The following ATG2B variants were observed in gnomAD, a reference collection of about 807,000 sequenced individuals.
ATG2B encodes the protein autophagy related 2B.
In ATG2B, 121 loss-of-function variants were observed where a neutral mutation model predicts 241.3. The ratio of observed to expected loss-of-function variants is 0.50; its 90% CI spans 0.43 to 0.58. The LOEUF is 0.58. Among genes scored for constraint, ATG2B ranks in the 20% least tolerant of loss-of-function variants. The pLI, the probability that ATG2B is intolerant of heterozygous loss-of-function variation, is 0.00. For synonymous variants in ATG2B, 858 were observed against 876.6 expected (o/e 0.98, Z 0.37); for missense variants, 2,306 against 2,491.6 (o/e 0.93, Z 1.59).
At chr14:96,358,196 G>T (rs988313867) in intron 1 of ATG2B, among the ~76,000 whole-genome samples, 3 of 152,176 alleles carry the variant, frequency 2.0e-5, no homozygotes, top group Non-Finnish European at 4.4e-5. Flanking sequence ...GAAACTGGGG[G>T]GGGCTGAGGT....
intron 1 of ATG2B, among the ~76,000 whole-genome samples, chr14:96,355,170 T>G (rs149690375): frequency 1.7e-3 from 264 of 152,346 alleles, no homozygotes; most frequent in Non-Finnish European, 2.6e-3. Flanking sequence ...TTTGCTTTTG[T>G]TGCAATTGCT....
chr14:96,342,537 C>T (rs1292592020), intron 5 of ATG2B, among the ~76,000 whole-genome samples: 24 of 152,044 alleles, frequency 1.6e-4, no homozygotes, highest in Non-Finnish European at 5.9e-5. Flanking sequence ...GCCTGGCCAA[C>T]GTTGCGAAAC....
intron 1 of ATG2B, among the ~76,000 whole-genome samples, chr14:96,356,534 G>A (rs1304632867): frequency 1.3e-5 from 2 of 151,864 alleles, no homozygotes; most frequent in Non-Finnish European, 2.9e-5. Context: ...CTTTTAAAAC[G>A]CAATGGAAAA....
At chr14:96,334,541 T>C in intron 6 of ATG2B, 40 bp from the exon 7 acceptor site, 1 of 1,194,804 alleles carries the variant, frequency 8.4e-7, no homozygotes, top group Non-Finnish European at 1.2e-6. Context: ...GGAGTATTCT[T>C]TATAACCTTA....
intron 8 of ATG2B, among the ~76,000 whole-genome samples, chr14:96,333,389 C>T (rs972046306): frequency 1.3e-5 from 2 of 152,076 alleles, no homozygotes; most frequent in Non-Finnish European, 2.9e-5. Context: ...TATATAACTA[C>T]CTAATTTAAC....
chr14:96,324,289 T>A (rs1887534134), intron 15 of ATG2B: 1 of 277,132 alleles, frequency 3.6e-6, no homozygotes, highest in Non-Finnish European at 6.7e-6. Context: ...CTATTAGTGA[T>A]TATTTCTTCA....
At chr14:96,309,427 C>A in intron 29 of ATG2B, 26 bp downstream of exon 29, 1 of 1,591,466 alleles carries the variant, frequency 6.3e-7, no homozygotes, top group Admixed American at 1.8e-5. Context: ...AACATCAGTG[C>A]TCCCTGAGAA....
chr14:96,303,127 T>C lies in ATG2B; in HGVS notation c.4971A>G (p.Ser1657=), dbSNP rs1008044001. The change falls in exon 33 of 42, where the codon TCA becomes TCG. Residue 1657 remains serine (S), a synonymous_variant. Transcript: ENST00000359933. The part of the protein sequence containing the change: ...DLEIRDRLAT[S]QMNKFLYLYC... ...ACAGGTATAAAAATTTATTCATTTG[T>C]GATGTTGCCAAACGATCTCGAATCT... 3.1e-6 allele frequency: 5 copies of C among 1,612,974 alleles called. No homozygotes were observed. The African/African-American group carries it at 5.3e-5, about 17-fold the overall frequency.
At chr14:96,342,671 G>T (rs1318062737) in intron 5 of ATG2B, among the ~76,000 whole-genome samples, 1 of 148,408 alleles carries the variant, frequency 6.7e-6, no homozygotes, top group Non-Finnish European at 1.5e-5. Flanking sequence ...GCAGTGAGTC[G>T]AGATTGCGCC....
intron 23 of ATG2B, 23 bp downstream of exon 23, chr14:96,315,131 T>C: frequency 1.3e-6 from 2 of 1,574,136 alleles, no homozygotes; most frequent in Non-Finnish European, 1.7e-6. Context: ...AATAAATTAA[T>C]ACATATATAA....
Position 96,341,548 on chromosome 14 carries a change from G to C in ATG2B, c.898C>G (p.Gln300Glu). The C allele has an allele frequency of 6.3e-7, 1 of 1,598,718 alleles. No homozygotes were observed. The highest frequency in any genetic ancestry group is 1.7e-4 in the Middle Eastern group (1 of 6,012). The change falls in exon 6 of 42, where the codon CAG becomes GAG. Residue 300 changes from glutamine (Q) to glutamate (E), a missense_variant. Physicochemically the swap from Gln to Glu is conservative, Grantham distance 29. This residue lies in a region of ATG2B where 1,927 missense variants were observed against 2,011.2 expected (regional missense o/e 0.96). Transcript: ENST00000359933. ...GRLELSLTLK[Q>E]NEVLPGAKLD... ...TTAGCTCCAGGAAGCACTTCATTCT[G>C]TTTCAACGTGAGACTCAACTCCAAC...
chr14:96,299,023 G>A (rs1886720077), intron 34 of ATG2B, among the ~76,000 whole-genome samples: 1 of 152,134 alleles, frequency 6.6e-6, no homozygotes, highest in African/African-American at 2.4e-5. Context: ...ATGACTTACA[G>A]TGTTAAAAGA....
At chr14:96,360,345 C>A (rs966488235) in intron 1 of ATG2B, among the ~76,000 whole-genome samples, 2 of 152,280 alleles carry the variant, frequency 1.3e-5, no homozygotes, top group East Asian at 3.9e-4. Context: ...AGTAAGAAAG[C>A]AACCACTTTT....
Position 96,303,056 on chromosome 14 carries a change from CT to C in ATG2B, c.5037+4del, listed in dbSNP as rs749517346. The C allele has an allele frequency of 1.3e-6, 2 of 1,564,606 alleles. No homozygotes were observed. The highest frequency in any genetic ancestry group is 1.7e-6 in the Non-Finnish European group (2 of 1,152,564). On this transcript the variant is annotated splice_donor_region_variant and intron_variant, in intron 33 of 41. Transcript: ENST00000359933. ...ACATAACACAACGATGAGGTTAACT[CT>C]TACCATGTTGGAGTGAGCTTTTCGA... is the stretch of plus-strand genomic sequence containing the variant.
At chr14:96,356,429 G>A (rs534741544) in intron 1 of ATG2B, among the ~76,000 whole-genome samples, 83 of 152,202 alleles carry the variant, frequency 5.5e-4, no homozygotes, top group South Asian at 1.2e-3. Flanking sequence ...ATTTTCACAT[G>A]GAAGATTTTG....
rs1242342048 is a variant in ATG2B at position 96,322,649 on chromosome 14, T to C, written c.2627A>G (p.Tyr876Cys). Residue 876 changes from tyrosine (Y) to cysteine (C), a missense_variant, in exon 17 of 42, where the codon TAC (tyrosine) becomes TGC (cysteine). Tyr to Cys is a radical substitution (Grantham distance 194). This residue lies in a region of ATG2B where 1,927 missense variants were observed against 2,011.2 expected (regional missense o/e 0.96). Coordinates refer to ENST00000359933, the MANE Select transcript of ATG2B (RefSeq NM_018036.7). The part of the protein sequence containing the change: ...AEEEEENDGH[Y>C]QEEEEGGAHS... ...AGCACCTCCTTCCTCTTCCTCCTGG[T>C]AGTGACCATCATTCTCCTCTTCTTC... 1.9e-6 allele frequency: 3 copies of C among 1,613,724 alleles called. No individual in the cohort carries two copies. In the African/African-American group the frequency reaches 4.0e-5, roughly 22 times the overall value.
At chr14:96,341,780 T>A in intron 5 of ATG2B, 79 bp from the exon 6 acceptor site, 2 of 1,093,534 alleles carry the variant, frequency 1.8e-6, no homozygotes, top group Non-Finnish European at 2.5e-6. Flanking sequence ...AATGTCAACT[T>A]AAGAAGAATA....
chr14:96,349,606 T>C (rs1027235383), intron 1 of ATG2B, among the ~76,000 whole-genome samples: 12 of 152,172 alleles, frequency 7.9e-5, no homozygotes, highest in South Asian at 6.2e-4. Flanking sequence ...GAATGATTAA[T>C]TGGCATCATG....
chr14:96,310,039 A>G (rs1487951490), intron 28 of ATG2B, among the ~76,000 whole-genome samples: 1 of 152,204 alleles, frequency 6.6e-6, no homozygotes, highest in African/African-American at 2.4e-5. Flanking sequence ...GGGGAAATAT[A>G]CTAAACGGTG....
Sources: gnomAD v4.1 joint callset for allele counts (sites outside exome capture counted in the v4.1 genomes callset) on GRCh38, gnomAD v4.1.1 for gene constraint, gnomAD v4.1.1 regional missense constraint, MANE v1.5 for transcripts, NCBI Gene and HGNC (gene_info 2026-07-23, HGNC 2026-07-21) for gene names.